The following IL9 variants were observed in gnomAD, a reference collection of about 807,000 sequenced individuals.
IL9 encodes the protein interleukin-9.
IL9 carries 16 observed loss-of-function variants against 12.9 expected under a neutral mutation model. The ratio of observed to expected loss-of-function variants is 1.24; its 90% confidence interval spans 0.84 to 1.88. IL9 has a LOEUF of 1.88. Among genes scored for constraint, IL9 ranks in the 40% most tolerant of loss-of-function variants. The pLI, the probability that IL9 is intolerant of heterozygous loss-of-function variation, is 0.00. For missense variants in IL9, 170 were observed against 173.1 expected (o/e 0.98, Z 0.10); for synonymous variants, 69 against 63.8 (o/e 1.08, Z -0.39).
At position 135,894,891 on chromosome 5, in the gene IL9, G is replaced by A. The variant is rs78866605; in HGVS notation, c.183+549C>T. 6.1e-3 allele frequency among the ~76,000 whole-genome samples: 934 copies of A among 152,280 alleles called. 12 individuals carry two copies. Among genetic ancestry groups the A allele is most frequent in the African/African-American group, 0.022 (907 of 41,550 alleles). ...ACCTCAGATCCTCTACCTGCCCAGA[G>A]GGCAGCATTCAAACCAACAGTCACT... On this transcript the variant is annotated intron_variant, in intron 3 of 4. Coordinates refer to ENST00000274520, the MANE Select transcript of IL9 (RefSeq NM_000590.2).
chr5:135,894,379 C>T (rs1405004704), intron 3 of IL9, among the ~76,000 whole-genome samples: 1 of 152,120 alleles, frequency 6.6e-6, no homozygotes, highest in Non-Finnish European at 1.5e-5. Context: ...TATGTTACAT[C>T]CAGGAAACAT....
chr5:135,894,002 A>C lies in IL9; in HGVS notation c.315+18T>G, dbSNP rs369385035. On this transcript the variant is annotated intron_variant, in intron 4 of 4. Transcript: ENST00000274520. ...GAAATCACCAACAGGAACATATCAC[A>C]TATGAAAACAAACTTACTGGACACT... 2 of 1,605,846 alleles carry C rather than the reference A, an allele frequency of 1.2e-6. No individual in the cohort carries two copies. The highest frequency in any genetic ancestry group is 1.7e-6 in the Non-Finnish European group (2 of 1,176,898).
chr5:135,894,358 G>A (rs1486738005), intron 3 of IL9, among the ~76,000 whole-genome samples: 3 of 152,202 alleles, frequency 2.0e-5, no homozygotes, highest in African/African-American at 7.2e-5. Flanking sequence ...TCCCCTGGAG[G>A]AGACTTCCTG....
chr5:135,894,230 G>T, intron 3 of IL9, 79 bp from the exon 4 acceptor site: 1 of 1,361,242 alleles, frequency 7.3e-7, no homozygotes. Context: ...CAATATAATA[G>T]AGATGATTTT....
rs1762878480 is a variant in IL9, at chr5:135,892,344, G to T, written c.*47C>A. On this transcript the variant is annotated 3_prime_UTR_variant, in exon 5 of 5. Coordinates refer to ENST00000274520, the MANE Select transcript of IL9 (RefSeq NM_000590.2). ...GATTTTTAAATTGTAGCAACTTAAA[G>T]AGAAAGCTTTTTAAATTTAATAAAT... 3 of 1,418,372 alleles carry T rather than the reference G, an allele frequency of 2.1e-6. No individual in the cohort carries two copies. Among genetic ancestry groups the T allele is most frequent in the South Asian group, 2.7e-5 (2 of 73,832 alleles). 87.9% of individuals were successfully genotyped at this position (1,418,372 alleles called of 1,614,324 possible).
chr5:135,892,912 G>C (rs1316301800), intron 4 of IL9, among the ~76,000 whole-genome samples: 1 of 152,070 alleles, frequency 6.6e-6, no homozygotes, highest in Non-Finnish European at 1.5e-5. Context: ...CTAAGAGTGG[G>C]GCTCTGAGGT....
intron 1 of IL9, 28 bp downstream of exon 1, chr5:135,895,675 T>C: frequency 6.2e-7 from 1 of 1,607,018 alleles, no homozygotes; most frequent in Non-Finnish European, 8.5e-7. Context: ...AGTAGCTGTC[T>C]TTCCCATGGG....
intron 1 of IL9, 39 bp from the exon 2 acceptor site, chr5:135,895,629 C>A: frequency 1.2e-6 from 2 of 1,612,990 alleles, no homozygotes; most frequent in Non-Finnish European, 1.7e-6. Flanking sequence ...TAGTCAGCCC[C>A]GAGTTTTTTC....
chr5:135,892,495 G>A lies in IL9; in HGVS notation c.331C>T (p.Gln111Ter). Residue 111 changes from glutamine to a stop codon, truncating the protein, a stop_gained, in exon 5 of 5, where the codon CAG (glutamine) becomes TAG (stop). Transcript: ENST00000274520. LOFTEE classifies it low-confidence loss of function (END_TRUNC). Reference sequence around the variant, plus strand: ...CCTGCCGTGGTTTGGTTGCATGGCTGTTCACAGGAAAAATACTGTGGGGAT... The same window carrying A: ...CCTGCCGTGGTTTGGTTGCATGGCTATTCACAGGAAAAATACTGTGGGGAT... ...NNKCPYFSCEQPCNQTTAGNA... is the reference protein window; with the variant it reads ...NNKCPYFSCE The A allele has an allele frequency of 6.2e-7, 1 of 1,612,336 alleles. No individual in the cohort carries two copies. The highest frequency in any genetic ancestry group is 1.1e-5 in the South Asian group (1 of 90,586).
chr5:135,895,338 C>T, intron 3 of IL9, 102 bp downstream of exon 3: 1 of 918,010 alleles, frequency 1.1e-6, no homozygotes, highest in Non-Finnish European at 1.6e-6. Flanking sequence ...TTAAATTAAG[C>T]AACAATGTAT....
chr5:135,892,460 C>T lies in IL9; in HGVS notation c.366G>A (p.Leu122=). 6.2e-7 allele frequency: 1 copy of T among 1,613,412 alleles called. No homozygotes were observed. Among genetic ancestry groups the T allele is most frequent in the Non-Finnish European group, 8.5e-7 (1 of 1,179,678 alleles). The change falls in exon 5 of 5, where the codon CTG becomes CTA. Residue 122 remains leucine (L), a synonymous_variant. Transcript: ENST00000274520. ...TTTCCAGAAGACTCTTCAGAAATGT[C>T]AGCGCGTTGCCTGCCGTGGTTTGGT... ...PCNQTTAGNA[L]TFLKSLLEIF...
intron 4 of IL9, among the ~76,000 whole-genome samples, chr5:135,893,046 TGA>T (rs1245257066): frequency 6.6e-6 from 1 of 152,140 alleles, no homozygotes; most frequent in Non-Finnish European, 1.5e-5. Context: ...ATTTATTCAG[TGA>T]GACAGCATAT....
rs2069880 is a variant in IL9, at chr5:135,894,291, C to T, written c.184-140G>A. 34 of 802,452 alleles carry T rather than the reference C, an allele frequency of 4.2e-5. No homozygotes were observed. In the African/African-American group the frequency reaches 5.3e-4, roughly 13 times the overall value. The allele number at this position is 802,452 out of a possible 1,614,324, so 49.7% of individuals were successfully genotyped here. ...GCATTATTTTTAGACAGGTCCCTTG[C>T]CAATGTAGGAAGTGATCTCCCGTAT... On this transcript the variant is annotated intron_variant, in intron 3 of 4. Transcript: ENST00000274520.
intron 4 of IL9, among the ~76,000 whole-genome samples, chr5:135,893,369 T>A (rs1420314169): frequency 6.6e-6 from 1 of 151,944 alleles, no homozygotes; most frequent in Non-Finnish European, 1.5e-5. Flanking sequence ...CCCAGCACTT[T>A]GGGAGGTCAA....
chr5:135,892,267 T>A lies in IL9; in HGVS notation c.*124A>T. The A allele has an allele frequency of 2.8e-6, 2 of 702,316 alleles. No homozygotes were observed. The highest frequency in any genetic ancestry group is 1.8e-5 in the African/African-American group (1 of 55,494). 43.5% of individuals were successfully genotyped at this position (702,316 alleles called of 1,614,324 possible). A position where few individuals can be genotyped will look rare whatever the true frequency, so the allele number is the denominator to read the frequency against. On this transcript the variant is annotated 3_prime_UTR_variant, in exon 5 of 5. Coordinates refer to ENST00000274520, the MANE Select transcript of IL9 (RefSeq NM_000590.2). Reference sequence around the variant, plus strand: ...ATGTATTTATTTCAAAATAAAGACATACAATGTTAAACAAATAATCACAAC... The same window carrying A: ...ATGTATTTATTTCAAAATAAAGACAAACAATGTTAAACAAATAATCACAAC...
chr5:135,894,312 C>T (rs1042018829), intron 3 of IL9, among the ~76,000 whole-genome samples, 161 bp from the exon 4 acceptor site: 4 of 152,104 alleles, frequency 2.6e-5, no homozygotes, highest in Non-Finnish European at 5.9e-5. Flanking sequence ...AGTGATCTCC[C>T]GTATTTAAAG....
At chr5:135,894,293 A>G (rs1762913882) in intron 3 of IL9, 142 bp from the exon 4 acceptor site, 1 of 796,930 alleles carries the variant, frequency 1.3e-6, no homozygotes, top group South Asian at 1.8e-5. Context: ...GTCCCTTGCC[A>G]ATGTAGGAAG....
Position 135,892,394 on chromosome 5 carries a change from T to C in IL9, c.432A>G (p.Ile144Met), listed in dbSNP as rs766994085. Residue 144 changes from isoleucine to methionine, a missense_variant, in exon 5 of 5, where the codon ATA becomes ATG. Ile to Met is a conservative substitution (Grantham distance 10, BLOSUM62 1). Coordinates refer to ENST00000274520, the MANE Select transcript of IL9 (RefSeq NM_000590.2). Reference protein sequence around the residue: ...KEKMRGMRGKI With the variant: ...KEKMRGMRGKM The stretch of plus-strand genomic sequence containing the variant: ...TAGGATAAATAATATTTCATCTTCA[T>C]ATCTTGCCTCTCATCCCTCTCATCT... 6 of 1,592,672 alleles carry C rather than the reference T, an allele frequency of 3.8e-6. No homozygotes were observed. Among genetic ancestry groups the C allele is most frequent in the African/African-American group, 2.7e-5 (2 of 73,902 alleles).
chr5:135,894,287 C>T (rs1762913822), intron 3 of IL9, 136 bp from the exon 4 acceptor site: 7 of 836,914 alleles, frequency 8.4e-6, no homozygotes, highest in Non-Finnish European at 1.3e-5. Context: ...AGACAGGTCC[C>T]TTGCCAATGT....
Sources: gnomAD v4.1 joint callset for allele counts (sites outside exome capture counted in the v4.1 genomes callset) on GRCh38, gnomAD v4.1.1 for gene constraint, MANE v1.5 for transcripts, NCBI Gene and HGNC (gene_info 2026-07-23, HGNC 2026-07-21) for gene names.